Variants in OBI1 observed in about 807,000 individuals in gnomAD.
OBI1 encodes the protein ORC ubiquitin ligase 1, also known as ring finger protein 219.
A neutral mutation model predicts 62.4 loss-of-function variants in OBI1; 59 were observed. The ratio of observed to expected loss-of-function variants is 0.95; its 90% CI spans 0.77 to 1.17. OBI1 has a LOEUF of 1.17. Among genes scored for constraint, OBI1 ranks in the 50% most tolerant of loss-of-function variants. The probability of loss-of-function intolerance (pLI) is 0.00; values close to 1 mark genes in which losing one functional copy is unlikely to be tolerated. For missense variants in OBI1, 875 were observed against 830.9 expected, an observed-to-expected ratio of 1.05 and a Z score of -0.65; for synonymous variants, 302 against 292.8, an observed-to-expected ratio of 1.03 and a Z score of -0.32.
intron 1 of OBI1, among the ~76,000 whole-genome samples, chr13:78,646,561 A>G (rs747284276): frequency 6.6e-6 from 1 of 152,152 alleles, no homozygotes; most frequent in African/African-American, 2.4e-5. Context: ...GCCATTTTCA[A>G]TATTTCCCTA....
chr13:78,654,621 G>A (rs571226841), intron 1 of OBI1, among the ~76,000 whole-genome samples: 1 of 152,218 alleles, frequency 6.6e-6, no homozygotes, highest in East Asian at 1.9e-4. Flanking sequence ...AAACAATATG[G>A]GTGAGAAGAA....
At chr13:78,628,677 A>C (rs1021979495) in intron 5 of OBI1, among the ~76,000 whole-genome samples, 1 of 152,212 alleles carries the variant, frequency 6.6e-6, no homozygotes, top group Non-Finnish European at 1.5e-5. Flanking sequence ...CAGGAGATTT[A>C]AATAATTTTA....
At chr13:78,648,987 T>C (rs1209179635) in intron 1 of OBI1, among the ~76,000 whole-genome samples, 1 of 151,760 alleles carries the variant, frequency 6.6e-6, no homozygotes, top group Non-Finnish European at 1.5e-5. Context: ...ATCTCCCCAA[T>C]CTATGAAATG....
Position 78,659,154 on chromosome 13 carries a change from C to T in OBI1, c.-34G>A, listed in dbSNP as rs756719011. On this transcript the variant is annotated 5_prime_UTR_variant, in exon 1 of 6. Transcript: ENST00000282003. ...TCAGAATCCCGCCAACACGGAAGTC[C>T]CGCCGACCTACCGCTACTCTTCGCC... 2 of 1,598,902 alleles carry T rather than the reference C, an allele frequency of 1.3e-6. No individual in the cohort carries two copies. Among genetic ancestry groups the T allele is most frequent in the Non-Finnish European group, 1.7e-6 (2 of 1,170,622 alleles).
At chr13:78,647,859 G>A (rs1220700780) in intron 1 of OBI1, among the ~76,000 whole-genome samples, 1 of 151,978 alleles carries the variant, frequency 6.6e-6, no homozygotes, top group Non-Finnish European at 1.5e-5. Flanking sequence ...TGAACATTCT[G>A]GTTCTCCCTT....
chr13:78,618,313 T>C (rs542801853), intron 5 of OBI1, among the ~76,000 whole-genome samples: 1 of 152,262 alleles, frequency 6.6e-6, no homozygotes, highest in South Asian at 2.1e-4. Context: ...AAAATTATTT[T>C]TATCTTTGGG....
chr13:78,622,221 T>C (rs1272795654), intron 5 of OBI1, among the ~76,000 whole-genome samples: 5 of 152,102 alleles, frequency 3.3e-5, no homozygotes. Flanking sequence ...GGCAGGAGGA[T>C]GGCTTCAGCT....
chr13:78,621,971 C>CA (rs757716995), intron 5 of OBI1, among the ~76,000 whole-genome samples: 3 of 152,032 alleles, frequency 2.0e-5, no homozygotes, highest in Non-Finnish European at 2.9e-5. Flanking sequence ...AAGTTTTTCA[C>CA]AAAAAAACCA....
At chr13:78,630,665 T>C (rs1875818463) in intron 5 of OBI1, among the ~76,000 whole-genome samples, 1 of 152,140 alleles carries the variant, frequency 6.6e-6, no homozygotes, top group African/African-American at 2.4e-5. Flanking sequence ...TCCTTTGTCC[T>C]TTCTGCCATT....
At chr13:78,627,683 T>A (rs921642364) in intron 5 of OBI1, among the ~76,000 whole-genome samples, 10 of 152,328 alleles carry the variant, frequency 6.6e-5, no homozygotes, top group South Asian at 2.1e-4. Context: ...TCACTGATGG[T>A]CATCTGGGTT....
chr13:78,628,140 A>G (rs1875735224), intron 5 of OBI1, among the ~76,000 whole-genome samples: 1 of 152,216 alleles, frequency 6.6e-6, no homozygotes, highest in Admixed American at 6.5e-5. Context: ...ACTCTGTTAA[A>G]AGGGTATTTT....
chr13:78,635,951 C>T (rs182830984), intron 4 of OBI1, among the ~76,000 whole-genome samples: 3 of 152,182 alleles, frequency 2.0e-5, no homozygotes, highest in Admixed American at 2.0e-4. Flanking sequence ...TAAGTAGAGA[C>T]AGGGTTTTGC....
intron 1 of OBI1, among the ~76,000 whole-genome samples, chr13:78,645,891 C>T (rs1033708508): frequency 6.6e-6 from 1 of 152,190 alleles, no homozygotes; most frequent in Non-Finnish European, 1.5e-5. Flanking sequence ...CTCAGGTGAT[C>T]TGCCCACCTC....
Position 78,615,640 on chromosome 13 carries a change from TG to T in OBI1, c.2120del (p.Thr707LysfsTer58). ...AAAGGCTGCTCTGGATTTTTCTTTT[TG>T]TTGATTGATTCACATTTTTATTCCT... ...EKRNKNVNQSTKRKIQSSLSS... is the reference protein window; with the variant it reads ...EKRNKNVNQSXKRKIQSSLSS... On this transcript the variant is annotated frameshift_variant, in exon 6 of 6. Transcript: ENST00000282003. LOFTEE classifies it high-confidence loss of function. The T allele has an allele frequency of 4.3e-6, 7 of 1,613,804 alleles. No homozygotes were observed. The highest frequency in any genetic ancestry group is 5.9e-6 in the Non-Finnish European group (7 of 1,179,920).
chr13:78,639,418 G>A (rs1007641193), intron 3 of OBI1, among the ~76,000 whole-genome samples: 9 of 152,190 alleles, frequency 5.9e-5, no homozygotes, highest in South Asian at 4.2e-4. Flanking sequence ...TTCAACCATC[G>A]TGGAAGTCAG....
chr13:78,645,493 A>C (rs7992655), intron 1 of OBI1, among the ~76,000 whole-genome samples: 56,070 of 152,052 alleles, frequency 0.37, 10,658 homozygotes, highest in African/African-American at 0.39. Flanking sequence ...ACCAAACAGT[A>C]ATGAAAGCTA....
chr13:78,644,925 TA>T lies in OBI1; in HGVS notation c.144del (p.Asn48LysfsTer22). ...ACTCTGCAAGCTGGACACTGGCTAT[TA>T]TTCTTCAACCACAAATCAATACAAA... is the stretch of plus-strand genomic sequence containing the variant. ...CSICIDLWLK[N>X]NSQCPACRVP... is the part of the protein sequence containing the mutation. On this transcript the variant is annotated frameshift_variant, in exon 2 of 6. Coordinates refer to ENST00000282003, the MANE Select transcript of OBI1 (RefSeq NM_024546.4). LOFTEE classifies it high-confidence loss of function. 6.2e-7 allele frequency: 1 copy of T among 1,614,056 alleles called. No homozygotes were observed. Among genetic ancestry groups the T allele is most frequent in the South Asian group, 1.1e-5 (1 of 91,070 alleles).
chr13:78,620,057 T>G (rs1875457656), intron 5 of OBI1, among the ~76,000 whole-genome samples: 1 of 152,180 alleles, frequency 6.6e-6, no homozygotes. Context: ...AGGCTTGACA[T>G]TCTATACTGC....
chr13:78,645,153 C>G (rs569337717), intron 1 of OBI1, among the ~76,000 whole-genome samples, 156 bp from the exon 2 acceptor site: 2 of 145,506 alleles, frequency 1.4e-5, no homozygotes, highest in East Asian at 4.1e-4. Context: ...CTGTTGGTCA[C>G]TTTTCTTTTT....
Sources: gnomAD v4.1 joint callset for allele counts (sites outside exome capture counted in the v4.1 genomes callset) on GRCh38, gnomAD v4.1.1 for gene constraint, MANE v1.5 for transcripts, NCBI Gene and HGNC (gene_info 2026-07-23, HGNC 2026-07-21) for gene names.